ZNF407: variants seen among roughly 807,000 people sequenced by gnomAD.
The protein encoded by ZNF407 is zinc finger protein 407.
A neutral mutation model predicts 131.2 loss-of-function variants in ZNF407; 17 were observed. That is an observed-to-expected ratio of 0.13 (90% CI 0.09 to 0.19). The LOEUF is 0.19. ZNF407 is among the 10% of genes least tolerant of loss of function. The pLI is 1.00. For missense variants in ZNF407, 2,681 were observed against 2,830.6 expected (o/e 0.95, Z 1.20); for synonymous variants, 1,156 against 1,062.0 (o/e 1.09, Z -1.72).
chr18:74,758,211 A>G (rs145398178), intron 3 of ZNF407, among the ~76,000 whole-genome samples: 264 of 152,026 alleles, frequency 1.7e-3, no homozygotes, highest in African/African-American at 6.1e-3. Context: ...CTTTTTTGTT[A>G]TGGTATTTTA....
intron 4 of ZNF407, among the ~76,000 whole-genome samples, chr18:74,857,266 T>C (rs1320834424): frequency 6.6e-6 from 1 of 152,226 alleles, no homozygotes; most frequent in Non-Finnish European, 1.5e-5. Flanking sequence ...ATTAATGTGA[T>C]TTATGAATAA....
chr18:74,898,165 G>C (rs1043668111), intron 7 of ZNF407: 3 of 152,152 alleles, frequency 2.0e-5, no homozygotes, highest in African/African-American at 7.2e-5. Context: ...ATGTATCAGC[G>C]TGTCTGACTC....
intron 3 of ZNF407, among the ~76,000 whole-genome samples, chr18:74,755,884 C>T (rs1968945698): frequency 1.2e-4 from 3 of 24,210 alleles, no homozygotes; most frequent in Non-Finnish European, 2.3e-4. Flanking sequence ...TCTTTTCCTT[C>T]CTTTTTTTTT....
intron 7 of ZNF407, among the ~76,000 whole-genome samples, chr18:74,891,159 A>T (rs534596280): frequency 2.0e-5 from 3 of 152,208 alleles, no homozygotes; most frequent in Non-Finnish European, 2.9e-5. Context: ...GCCAGGTCAC[A>T]TTGTGCCTGA....
chr18:74,979,136 T>C (rs1289047000), intron 8 of ZNF407, among the ~76,000 whole-genome samples: 1 of 152,006 alleles, frequency 6.6e-6, no homozygotes, highest in African/African-American at 2.4e-5. Context: ...GAGAAACTGA[T>C]AAGGAAGGAA....
chr18:74,631,493 T>C lies in ZNF407; in HGVS notation c.474T>C (p.Val158=). The C allele has an allele frequency of 6.2e-7, 1 of 1,613,978 alleles. No individual in the cohort carries two copies. The highest frequency in any genetic ancestry group is 1.1e-5 in the South Asian group (1 of 91,086). The part of the protein sequence containing the change: ...DTEKTSAQEM[V]SLDLERESPF... ...AAAAAACATCTGCTCAGGAAATGGTTTCCCTTGATCTGGAAAGAGAATCTC... is the reference window on the plus strand; with the variant it reads ...AAAAAACATCTGCTCAGGAAATGGTCTCCCTTGATCTGGAAAGAGAATCTC... Residue 158 remains valine (V), a synonymous_variant, in exon 2 of 9, where the codon GTT becomes GTC. Coordinates refer to ENST00000299687, the MANE Select transcript of ZNF407 (RefSeq NM_017757.3).
At chr18:74,959,327 G>A (rs902666305) in intron 8 of ZNF407, among the ~76,000 whole-genome samples, 1 of 152,270 alleles carries the variant, frequency 6.6e-6, no homozygotes, top group Non-Finnish European at 1.5e-5. Context: ...AGAGGCAGCA[G>A]GATAAAAACT....
intron 8 of ZNF407, among the ~76,000 whole-genome samples, chr18:74,947,289 C>A (rs1972163898): frequency 6.6e-6 from 1 of 152,120 alleles, no homozygotes; most frequent in South Asian, 2.1e-4. Flanking sequence ...TGAAATGATT[C>A]CTGGTTTCAT....
In ZNF407 at chr18:74,634,638, G is replaced by A. The variant is rs992472005; in HGVS notation, c.3619G>A (p.Ala1207Thr). 6.2e-7 allele frequency: 1 copy of A among 1,613,844 alleles called. No individual in the cohort carries two copies. Among genetic ancestry groups the A allele is most frequent in the Non-Finnish European group, 8.5e-7 (1 of 1,179,900 alleles). The stretch of plus-strand genomic sequence containing the variant: ...TCAAAATGAAAATTCAGGAAGCTCT[G>A]CCTTAAATTGTGAGACAGCAAAGAA... ...RFQNENSGSS[A>T]LNCETAKKNH... The change falls in exon 2 of 9, where the codon GCC becomes ACC. Residue 1207 changes from alanine (A) to threonine (T), a missense_variant. Ala to Thr is a moderately conservative substitution (Grantham distance 58). Transcript: ENST00000299687.
At chr18:74,959,184 T>C (rs1599264199) in intron 8 of ZNF407, among the ~76,000 whole-genome samples, 1 of 152,380 alleles carries the variant, frequency 6.6e-6, no homozygotes, top group South Asian at 2.1e-4. Flanking sequence ...TTGTGTTTCT[T>C]ACCTTGTCCT....
Position 74,632,414 on chromosome 18 carries a change from A to G in ZNF407, c.1395A>G (p.Arg465=). Reference sequence around the variant, plus strand: ...AGAGGATGTATATGAAACACTTGAGAACACAGATGAAAACACACGATGCAG... The same window carrying G: ...AGAGGATGTATATGAAACACTTGAGGACACAGATGAAAACACACGATGCAG... ...ETQRMYMKHL[R]TQMKTHDAES... is the part of the protein sequence containing the mutation. The change falls in exon 2 of 9, where the codon AGA becomes AGG. Residue 465 remains arginine (R), a synonymous_variant. Transcript: ENST00000299687. 1 of 1,614,066 alleles carries G rather than the reference A, an allele frequency of 6.2e-7. No homozygotes were observed. The highest frequency in any genetic ancestry group is 1.1e-5 in the South Asian group (1 of 91,084).
At chr18:74,679,733 C>G (rs1489939663) in intron 3 of ZNF407, among the ~76,000 whole-genome samples, 3 of 152,176 alleles carry the variant, frequency 2.0e-5, no homozygotes, top group Non-Finnish European at 4.4e-5. Flanking sequence ...GGTGTGTACA[C>G]TCAGGAGTTA....
intron 3 of ZNF407, among the ~76,000 whole-genome samples, chr18:74,717,421 A>G (rs1051837719): frequency 3.3e-5 from 5 of 152,208 alleles, no homozygotes; most frequent in East Asian, 1.9e-4. Flanking sequence ...TATATTCAAA[A>G]TGAATCAAAC....
At chr18:74,804,344 CTGA>C in intron 4 of ZNF407, 1 of 1,067,024 alleles carries the variant, frequency 9.4e-7, no homozygotes, top group East Asian at 6.4e-5. Flanking sequence ...TTATTTAAAG[CTGA>C]CTGTCCAATC....
chr18:74,601,221 A>G (rs998220591), intron 1 of ZNF407, among the ~76,000 whole-genome samples: 2 of 152,080 alleles, frequency 1.3e-5, no homozygotes, highest in African/African-American at 4.8e-5. Context: ...TTCTGTGAAC[A>G]CGTTGAGTGG....
intron 1 of ZNF407, among the ~76,000 whole-genome samples, chr18:74,602,395 T>C (rs1982622518): frequency 6.6e-6 from 1 of 152,204 alleles, no homozygotes; most frequent in Non-Finnish European, 1.5e-5. Context: ...TTTCCAGATA[T>C]AATAATCCTG....
intron 8 of ZNF407, among the ~76,000 whole-genome samples, chr18:75,040,904 G>A (rs748867033): frequency 3.3e-5 from 5 of 152,116 alleles, no homozygotes; most frequent in African/African-American, 4.8e-5. Flanking sequence ...GTGTGATGCC[G>A]GCCAGCACTG....
intron 7 of ZNF407, among the ~76,000 whole-genome samples, chr18:74,902,716 A>G (rs182252853): frequency 2.0e-4 from 30 of 152,334 alleles, no homozygotes; most frequent in Admixed American, 1.4e-3. Context: ...TTAATAAAGT[A>G]TGCATTTTTC....
intron 3 of ZNF407, among the ~76,000 whole-genome samples, chr18:74,645,258 G>C (rs911435589): frequency 2.0e-5 from 3 of 151,958 alleles, no homozygotes; most frequent in Non-Finnish European, 4.4e-5. Context: ...TATTGTTTTT[G>C]TTCTGCAGTG....
Sources: gnomAD v4.1 joint callset for allele counts (sites outside exome capture counted in the v4.1 genomes callset) on GRCh38, gnomAD v4.1.1 for gene constraint, MANE v1.5 for transcripts, NCBI Gene and HGNC (gene_info 2026-07-23, HGNC 2026-07-21) for gene names.